Variants in MDGA2 observed in about 807,000 individuals in gnomAD.
MDGA2 encodes the protein MAM domain containing glycosylphosphatidylinositol anchor 2, also known as MAM domain-containing glycosylphosphatidylinositol anchor protein 2.
Under a neutral mutation model 117.8 loss-of-function variants are expected in MDGA2, and 40 were observed. The ratio of observed to expected loss-of-function variants is 0.34; its 90% CI spans 0.26 to 0.44. The LOEUF is 0.44. Ranked by LOEUF, MDGA2 falls within the 20% of genes least tolerant of loss-of-function variation. The probability of loss-of-function intolerance (pLI) is 1.00; values close to 1 mark genes in which losing one functional copy is unlikely to be tolerated. For missense variants in MDGA2, 1,123 were observed against 1,250.6 expected (o/e 0.90, Z 1.54); for synonymous variants, 452 against 439.0 (o/e 1.03, Z -0.37).
intron 2 of MDGA2, among the ~76,000 whole-genome samples, chr14:47,250,484 A>C (rs974681355): frequency 2.6e-4 from 40 of 152,252 alleles, no homozygotes; most frequent in African/African-American, 9.6e-4. Flanking sequence ...TGATCGTATT[A>C]GAAGGTGAGG....
rs746778179 is a variant in MDGA2, at chr14:46,964,919, C to CTTTTTTTTTTTTTTT, written c.1820-7291_1820-7277dup. On this transcript the variant is annotated intron_variant, in intron 8 of 16. Coordinates refer to ENST00000399232, the MANE Select transcript of MDGA2 (RefSeq NM_001113498.3). Reference sequence around the variant, plus strand: ...GAAAATATCCCCAAATATATATTTACTTTTTTTTTTTTTTTTTTTTTTGAG... The same window carrying CTTTTTTTTTTTTTTT: ...GAAAATATCCCCAAATATATATTTACTTTTTTTTTTTTTTTTTTTTTTTTTTTTTTTTTTTTTGAG... Among the ~76,000 whole-genome samples, 20 of 89,788 alleles carry CTTTTTTTTTTTTTTT rather than the reference C, an allele frequency of 2.2e-4. 2 individuals carry two copies. Among genetic ancestry groups the CTTTTTTTTTTTTTTT allele is most frequent in the African/African-American group, 6.7e-4 (11 of 16,306 alleles). The allele number at this position is 89,788 out of a possible 152,430, so 58.9% of individuals were successfully genotyped here. A position where few individuals can be genotyped will look rare whatever the true frequency, so the allele number is the denominator to read the frequency against.
intron 10 of MDGA2, among the ~76,000 whole-genome samples, chr14:46,907,965 A>G (rs1416171193): frequency 6.6e-6 from 1 of 152,194 alleles, no homozygotes; most frequent in Admixed American, 6.5e-5. Context: ...GAATTAGCAT[A>G]TTATGTACCA....
intron 1 of MDGA2, among the ~76,000 whole-genome samples, chr14:47,387,325 C>T (rs921029501): frequency 6.6e-6 from 1 of 152,040 alleles, no homozygotes; most frequent in African/African-American, 2.4e-5. Context: ...CACCCACCCC[C>T]AAACCCACCC....
intron 6 of MDGA2, among the ~76,000 whole-genome samples, chr14:47,076,464 T>C (rs1405462155): frequency 6.6e-6 from 1 of 152,056 alleles, no homozygotes; most frequent in Non-Finnish European, 1.5e-5. Context: ...TAAATGGGGC[T>C]GCTGAAAGTA....
At chr14:47,460,285 C>A (rs1163922199) in intron 1 of MDGA2, among the ~76,000 whole-genome samples, 1 of 151,950 alleles carries the variant, frequency 6.6e-6, no homozygotes, top group African/African-American at 2.4e-5. Context: ...CCTGCTCTGC[C>A]TGTAAACATG....
chr14:47,522,623 T>C (rs1894893962), intron 1 of MDGA2, among the ~76,000 whole-genome samples: 1 of 152,112 alleles, frequency 6.6e-6, no homozygotes. Context: ...ATACAAGGAA[T>C]AGAATCAGCA....
chr14:46,931,214 C>CAAAAAAAAA (rs34493526), intron 9 of MDGA2, among the ~76,000 whole-genome samples: 1 of 76,292 alleles, frequency 1.3e-5, no homozygotes, highest in African/African-American at 4.8e-5. Context: ...GACTACATCT[C>CAAAAAAAAA]AAAAAAAAAA....
chr14:47,054,862 T>C (rs1366119313), intron 7 of MDGA2, among the ~76,000 whole-genome samples: 1 of 151,960 alleles, frequency 6.6e-6, no homozygotes, highest in Non-Finnish European at 1.5e-5. Flanking sequence ...TCAAGATGGA[T>C]TAAAGACTTA....
intron 2 of MDGA2, among the ~76,000 whole-genome samples, chr14:47,285,906 A>G (rs1220899865): frequency 6.6e-6 from 1 of 152,094 alleles, no homozygotes; most frequent in African/African-American, 2.4e-5. Context: ...AAGTGGAGAC[A>G]TTAGATTTTA....
rs1882574974 is a variant in MDGA2 at position 46,884,139 on chromosome 14, C to A, written c.2239-1918G>T. 6.6e-6 allele frequency among the ~76,000 whole-genome samples: 1 copy of A among 151,968 alleles called. No individual in the cohort carries two copies. Among genetic ancestry groups the A allele is most frequent in the Admixed American group, 6.6e-5 (1 of 15,214 alleles). On this transcript the variant is annotated intron_variant, in intron 10 of 16. Transcript: ENST00000399232. This position sits in a 1 kb window ranked among gnomAD's most constrained non-coding sequence, Gnocchi z 4.1. The stretch of plus-strand genomic sequence containing the variant: ...GCTCCTAAGGTCATCAACAACATGG[C>A]CTACTTTTACTTTGATTGTGAAACT...
In MDGA2 at chr14:47,265,638, TAAA is replaced by T. The variant is rs11325423; in HGVS notation, c.420+35770_420+35772del. Among the ~76,000 whole-genome samples the T allele has an allele frequency of 2.3e-4, 33 of 142,334 alleles. No homozygotes were observed. In the South Asian group the frequency reaches 6.9e-3, roughly 30 times the overall value. 93.4% of individuals were successfully genotyped at this position (142,334 alleles called of 152,430 possible). On this transcript the variant is annotated intron_variant, in intron 2 of 16. Transcript: ENST00000399232. ...GTTTAACTTCGTTTTGGGAATGCAT[TAAA>T]AAAAAAAAAAACTCATTAGCTTATC... is the stretch of plus-strand genomic sequence containing the variant.
chr14:47,107,665 G>C (rs568363017), intron 5 of MDGA2, among the ~76,000 whole-genome samples: 2 of 151,080 alleles, frequency 1.3e-5, no homozygotes, highest in Non-Finnish European at 2.9e-5. Flanking sequence ...GATCGTGTCC[G>C]ACTGATCTCT....
chr14:47,384,015 A>AGATAGATAG (rs1555378184), intron 1 of MDGA2, among the ~76,000 whole-genome samples: 1 of 109,884 alleles, frequency 9.1e-6, no homozygotes. Flanking sequence ...ATAGATAGAT[A>AGATAGATAG]ATAGATAGAT....
At chr14:47,048,839 A>G (rs1261379498) in intron 7 of MDGA2, among the ~76,000 whole-genome samples, 1 of 152,100 alleles carries the variant, frequency 6.6e-6, no homozygotes, top group Non-Finnish European at 1.5e-5. Context: ...ATTAACAAAT[A>G]TTCTACTGAA....
chr14:47,356,770 G>T (rs1031997818), intron 1 of MDGA2, among the ~76,000 whole-genome samples: 1 of 152,140 alleles, frequency 6.6e-6, no homozygotes, highest in African/African-American at 2.4e-5. Context: ...ACGGAGGCAA[G>T]TCTGATGTCT....
intron 3 of MDGA2, among the ~76,000 whole-genome samples, chr14:47,203,000 C>T (rs1181473112): frequency 6.6e-6 from 1 of 151,944 alleles, no homozygotes; most frequent in Non-Finnish European, 1.5e-5. Context: ...TTCCAATTCT[C>T]ATGTTCAATT....
intron 4 of MDGA2, among the ~76,000 whole-genome samples, chr14:47,136,058 A>G (rs1882437931): frequency 1.3e-5 from 2 of 152,154 alleles, no homozygotes; most frequent in South Asian, 4.1e-4. Flanking sequence ...TTTTTTCACC[A>G]AGGCTTGCTT....
intron 4 of MDGA2, among the ~76,000 whole-genome samples, chr14:47,138,089 G>C (rs995287243): frequency 1.3e-5 from 2 of 152,088 alleles, no homozygotes; most frequent in Non-Finnish European, 2.9e-5. Flanking sequence ...CAATACAGCA[G>C]AATGTATAAG....
At chr14:47,498,505 G>A (rs1308587373) in intron 1 of MDGA2, among the ~76,000 whole-genome samples, 2 of 152,066 alleles carry the variant, frequency 1.3e-5, no homozygotes, top group African/African-American at 4.8e-5. Context: ...TCTACTGTTA[G>A]TATATACATG....
Sources: allele counts gnomAD v4.1 joint callset (sites outside exome capture counted in the v4.1 genomes callset), GRCh38; gene constraint gnomAD v4.1.1; non-coding constraint Gnocchi (gnomAD v3.1); transcripts MANE v1.5; gene names NCBI Gene and HGNC (gene_info 2026-07-23, HGNC 2026-07-21).